The following SEC14L1 variants were observed in gnomAD, a reference collection of about 807,000 sequenced individuals.
SEC14L1 encodes SEC14-like protein 1.
In SEC14L1, 48 loss-of-function variants were observed where a neutral mutation model predicts 85.3. The ratio of observed to expected loss-of-function variants is 0.56; its 90% CI spans 0.45 to 0.72. SEC14L1 has a LOEUF of 0.72. Among genes scored for constraint, SEC14L1 ranks in the 30% least tolerant of loss-of-function variants. The pLI is 0.00. For synonymous variants in SEC14L1, 391 were observed against 355.5 expected, an observed-to-expected ratio of 1.10 and a Z score of -1.12; for missense variants, 682 against 921.4, an observed-to-expected ratio of 0.74 and a Z score of 3.36.
chr17:77,117,436 G>A (rs554610332), intron 3 of SEC14L1, among the ~76,000 whole-genome samples: 3 of 152,314 alleles, frequency 2.0e-5, no homozygotes, highest in East Asian at 1.9e-4. Context: ...AAACCCAATC[G>A]ACATCTTTCC....
At chr17:77,181,689 T>C (rs965954076) in intron 3 of SEC14L1, among the ~76,000 whole-genome samples, 3 of 152,232 alleles carry the variant, frequency 2.0e-5, no homozygotes, top group African/African-American at 7.2e-5. Flanking sequence ...GTGCTGGGGT[T>C]ACAGGCGTGA....
intron 2 of SEC14L1, among the ~76,000 whole-genome samples, chr17:77,090,601 G>T (rs538894486): frequency 1.3e-5 from 2 of 151,930 alleles, no homozygotes; most frequent in African/African-American, 4.8e-5. Context: ...AAAGTTTGCT[G>T]GGCACAGTGC....
intron 3 of SEC14L1, among the ~76,000 whole-genome samples, chr17:77,133,292 T>A (rs1475319672): frequency 6.6e-6 from 1 of 152,214 alleles, no homozygotes; most frequent in Non-Finnish European, 1.5e-5. Flanking sequence ...GGAGAAGATA[T>A]GGCCTGAGGA....
At chr17:77,192,511 C>T (rs1975594600) in intron 5 of SEC14L1, among the ~76,000 whole-genome samples, 1 of 152,152 alleles carries the variant, frequency 6.6e-6, no homozygotes, top group Non-Finnish European at 1.5e-5. Context: ...GTGGGCCTCC[C>T]CCAGGGGCTT....
chr17:77,203,828 T>C (rs1221963133), intron 10 of SEC14L1, among the ~76,000 whole-genome samples, 170 bp downstream of exon 10: 1 of 152,140 alleles, frequency 6.6e-6, no homozygotes, highest in Non-Finnish European at 1.5e-5. Flanking sequence ...ACACAGAAGT[T>C]ATAAAAGTGT....
rs768881794 is a variant in SEC14L1 at position 77,191,312 on chromosome 17, C to T, written c.345C>T (p.Thr115=). Residue 115 remains threonine (T), a splice_region_variant and synonymous_variant, in exon 5 of 17, where the codon ACC becomes ACT. Transcript: ENST00000436233. ...TCATTAATGAGCATTGCTGCTACAC[C>T]GTGAGTAATCTGTCACTCGGCGGAA... is the stretch of plus-strand genomic sequence containing the variant. ...RVIINEHCCY[T]VHPENEDWTC... The T allele has an allele frequency of 8.5e-5, 137 of 1,613,752 alleles. No individual in the cohort carries two copies. The highest frequency in any genetic ancestry group is 9.4e-5 in the Non-Finnish European group (111 of 1,179,878).
chr17:77,124,237 G>C lies in SEC14L1; in HGVS notation c.-135-18409G>C, dbSNP rs79409066. 9.8e-3 allele frequency among the ~76,000 whole-genome samples: 1,490 copies of C among 152,258 alleles called. 31 individuals carry two copies. The highest frequency in any genetic ancestry group is 0.034 in the African/African-American group (1,422 of 41,540). On this transcript the variant is annotated intron_variant, in intron 3 of 19. Transcript: ENST00000392476. ...AAAGTAGCCAGGCGTGGTGGCGTGC[G>C]CCTATAGTCTCAGCTACTTGGGGGG...
intron 3 of SEC14L1, among the ~76,000 whole-genome samples, chr17:77,128,551 C>T (rs1184846182): frequency 2.0e-5 from 3 of 150,854 alleles, no homozygotes; most frequent in East Asian, 2.0e-4. Flanking sequence ...CTCTGCTTCT[C>T]GGGTTCAAGT....
upstream of SEC14L1, among the ~76,000 whole-genome samples, chr17:77,137,541 C>T (rs1418383886): frequency 2.6e-5 from 4 of 152,202 alleles, no homozygotes; most frequent in East Asian, 5.8e-4. Flanking sequence ...GCCAGACCTC[C>T]AACACTGTGG....
At chr17:77,205,168 T>G (rs1976400607) in intron 10 of SEC14L1, 108 bp from the exon 11 acceptor site, 1 of 921,596 alleles carries the variant, frequency 1.1e-6, no homozygotes, top group Non-Finnish European at 1.7e-6. Flanking sequence ...CTTTTTTGAT[T>G]TACATGCTTA....
At chr17:77,089,519 G>A (rs1377030329) in intron 2 of SEC14L1, 1 of 504,832 alleles carries the variant, frequency 2.0e-6, no homozygotes. Flanking sequence ...AATGGTTGTA[G>A]TTAGTATCAG....
At chr17:77,199,005 C>CGTTTTTTT (rs1555627567) in intron 8 of SEC14L1, 1 of 133,954 alleles carries the variant, frequency 7.5e-6, no homozygotes, top group Admixed American at 7.7e-5. Context: ...CGTCTTCTTT[C>CGTTTTTTT]TTTTTTTTTT....
intron 3 of SEC14L1, among the ~76,000 whole-genome samples, chr17:77,160,949 A>G (rs1974028423): frequency 6.6e-6 from 1 of 152,116 alleles, no homozygotes; most frequent in African/African-American, 2.4e-5. Context: ...GCAGATGGGG[A>G]GCTGTACAAA....
intron 3 of SEC14L1, chr17:77,093,686 G>T (rs561684942): frequency 6.6e-6 from 1 of 152,376 alleles, no homozygotes; most frequent in Admixed American, 6.5e-5. Flanking sequence ...CCTCGGGCAG[G>T]TCCCTCCCTG....
At chr17:77,159,674 C>T (rs1437918493) in intron 3 of SEC14L1, among the ~76,000 whole-genome samples, 13 of 152,274 alleles carry the variant, frequency 8.5e-5, no homozygotes, top group African/African-American at 2.6e-4. Context: ...CCACCGCTCC[C>T]GGCCCTTGTC....
At chr17:77,168,142 C>T (rs1199463820) in intron 3 of SEC14L1, among the ~76,000 whole-genome samples, 1 of 152,006 alleles carries the variant, frequency 6.6e-6, no homozygotes, top group Non-Finnish European at 1.5e-5. Context: ...CGGGGCATGT[C>T]GGGCCACAAG....
intron 14 of SEC14L1, chr17:77,211,069 ACCCTT>A (rs1976727508): frequency 6.6e-6 from 1 of 152,160 alleles, no homozygotes; most frequent in Non-Finnish European, 1.5e-5. Context: ...CTTAGACAGG[ACCCTT>A]GTACCTCACT....
At chr17:77,153,013 G>A (rs1973634999) in intron 3 of SEC14L1, among the ~76,000 whole-genome samples, 1 of 152,134 alleles carries the variant, frequency 6.6e-6, no homozygotes, top group African/African-American at 2.4e-5. Context: ...TAAGGAGAAG[G>A]TGTGGACCTA....
intron 13 of SEC14L1, 90 bp from the exon 14 acceptor site, chr17:77,209,252 G>T (rs1567935963): frequency 1.3e-6 from 2 of 1,496,324 alleles, no homozygotes; most frequent in Non-Finnish European, 1.8e-6. Flanking sequence ...CAGAAGTTGA[G>T]TGCAGGGGGA....
Sources: allele counts gnomAD v4.1 joint callset (sites outside exome capture counted in the v4.1 genomes callset), GRCh38; gene constraint gnomAD v4.1.1; transcripts MANE v1.5; gene names NCBI Gene and HGNC (gene_info 2026-07-23, HGNC 2026-07-21).